STIM1: variants seen among roughly 807,000 people sequenced by gnomAD.
STIM1 encodes stromal interaction molecule 1.
A neutral mutation model predicts 74.7 loss-of-function variants in STIM1; 25 were observed. The observed-to-expected ratio is 0.33, with a 90% CI of 0.24 to 0.47. The LOEUF is 0.47. Ranked by LOEUF, STIM1 falls within the 20% of genes least tolerant of loss-of-function variation. STIM1 has a pLI of 1.00. For missense variants in STIM1, 728 were observed against 920.8 expected (o/e 0.79, Z 2.71); for synonymous variants, 328 against 348.8 (o/e 0.94, Z 0.66).
intron 1 of STIM1, among the ~76,000 whole-genome samples, chr11:3,919,236 G>A (rs146118760): frequency 1.1e-4 from 16 of 152,072 alleles, no homozygotes; most frequent in African/African-American, 2.2e-4. Context: ...ATGGAGTTTC[G>A]CTCTTACTGC....
In STIM1 at chr11:4,033,952, C is replaced by A. The variant is rs1026682352; in HGVS notation, c.385+9965C>A. ...TTCACCATAAAATATAATGTTGGGCCAGATGCGGTGGCTTATGCCTGTAAT... is the reference window on the plus strand; with the variant it reads ...TTCACCATAAAATATAATGTTGGGCAAGATGCGGTGGCTTATGCCTGTAAT... On this transcript the variant is annotated intron_variant, in intron 3 of 12. Transcript: ENST00000526596. Among the ~76,000 whole-genome samples the A allele has an allele frequency of 8.6e-5, 13 of 151,942 alleles. No homozygotes were observed. In the South Asian group the frequency reaches 2.7e-3, roughly 32 times the overall value.
At chr11:3,904,929 A>G (rs1463769478) in intron 1 of STIM1, among the ~76,000 whole-genome samples, 1 of 152,102 alleles carries the variant, frequency 6.6e-6, no homozygotes, top group African/African-American at 2.4e-5. Context: ...AATAGTAGAG[A>G]CTGTAGAAGT....
chr11:4,073,911 A>G (rs963004628), intron 6 of STIM1, among the ~76,000 whole-genome samples: 55 of 48,540 alleles, frequency 1.1e-3, no homozygotes, highest in Non-Finnish European at 3.9e-3. Context: ...CTCCTAGCTC[A>G]ATAGTTCCTC....
At chr11:3,956,851 A>AAG (rs2093220700) in intron 1 of STIM1, among the ~76,000 whole-genome samples, 2 of 146,888 alleles carry the variant, frequency 1.4e-5, no homozygotes, top group African/African-American at 5.2e-5. Flanking sequence ...AAAAAAAAAA[A>AAG]GTCAGAGAGG....
chr11:4,059,557 G>A (rs999306577), intron 5 of STIM1, among the ~76,000 whole-genome samples, 161 bp downstream of exon 5: 1 of 152,200 alleles, frequency 6.6e-6, no homozygotes, highest in Admixed American at 6.5e-5. Flanking sequence ...TTACATTTTA[G>A]TCCAGACACG....
intron 2 of STIM1, among the ~76,000 whole-genome samples, chr11:4,006,494 A>T (rs1267139808): frequency 6.6e-6 from 1 of 152,118 alleles, no homozygotes; most frequent in Non-Finnish European, 1.5e-5. Flanking sequence ...GGCTCCCTGC[A>T]ACTTCTGTTT....
chr11:4,015,274 T>G (rs1021369062), intron 2 of STIM1, among the ~76,000 whole-genome samples: 1 of 152,242 alleles, frequency 6.6e-6, no homozygotes, highest in Admixed American at 6.5e-5. Flanking sequence ...CATTTGCTTG[T>G]CTGTAAAGGA....
intron 3 of STIM1, among the ~76,000 whole-genome samples, chr11:4,033,337 G>A (rs2094068484): frequency 6.6e-6 from 1 of 152,150 alleles, no homozygotes; most frequent in Non-Finnish European, 1.5e-5. Context: ...ACTTGGCGAT[G>A]CGGGCTCTTT....
At chr11:4,031,107 G>A (rs922269305) in intron 3 of STIM1, among the ~76,000 whole-genome samples, 1 of 152,106 alleles carries the variant, frequency 6.6e-6, no homozygotes, top group Non-Finnish European at 1.5e-5. Context: ...AGATTAGTTT[G>A]CATTTGCTAC....
At chr11:3,970,957 T>C (rs987265826) in intron 2 of STIM1, among the ~76,000 whole-genome samples, 1 of 152,190 alleles carries the variant, frequency 6.6e-6, no homozygotes, top group African/African-American at 2.4e-5. Context: ...TTACAAATAA[T>C]GGAATGTGAA....
At position 4,092,185 on chromosome 11, in the gene STIM1, T is replaced by G; in HGVS notation, c.*387T>G. On this transcript the variant is annotated 3_prime_UTR_variant, in exon 13 of 13. Transcript: ENST00000526596. ...CTTTCGGGCTCCTCCCTCCCACCACTCCCCAACTTCCCCTAGCAGTTGCAG... is the reference window on the plus strand; with the variant it reads ...CTTTCGGGCTCCTCCCTCCCACCACGCCCCAACTTCCCCTAGCAGTTGCAG... 1 of 322,960 alleles carries G rather than the reference T, an allele frequency of 3.1e-6. No individual in the cohort carries two copies. The allele number at this position is 322,960 out of a possible 1,614,324, so 20.0% of individuals were successfully genotyped here.
chr11:3,946,180 A>G (rs1011663726), intron 1 of STIM1, among the ~76,000 whole-genome samples: 1 of 152,186 alleles, frequency 6.6e-6, no homozygotes, highest in Non-Finnish European at 1.5e-5. Context: ...TATACATTTG[A>G]ATGCTGAATT....
At chr11:3,979,693 C>T (rs1253581379) in intron 2 of STIM1, among the ~76,000 whole-genome samples, 2 of 152,142 alleles carry the variant, frequency 1.3e-5, no homozygotes, top group South Asian at 2.1e-4. Context: ...CTCACCTCAG[C>T]CTCCCAAGTT....
intron 1 of STIM1, among the ~76,000 whole-genome samples, chr11:3,909,128 A>T (rs1293641736): frequency 2.0e-5 from 3 of 152,148 alleles, no homozygotes; most frequent in African/African-American, 7.2e-5. Context: ...AGTGCAAATC[A>T]TTCCCAAGGT....
chr11:3,941,673 T>TATAGAGAGAGAGAGAGAGAGAGAGAG (rs141623520), intron 1 of STIM1, among the ~76,000 whole-genome samples: 1 of 90,730 alleles, frequency 1.1e-5, no homozygotes, highest in African/African-American at 3.7e-5. Context: ...TATATATATA[T>TATAGAGAGAGAGAGAGAGAGAGAGAG]AGAGAGAGAG....
chr11:4,016,399 T>A (rs2093897248), intron 2 of STIM1, among the ~76,000 whole-genome samples: 1 of 152,220 alleles, frequency 6.6e-6, no homozygotes, highest in South Asian at 2.1e-4. Flanking sequence ...CAAATGTTGC[T>A]GCCTGATCCT....
At chr11:3,950,219 C>A (rs958122280) in intron 1 of STIM1, among the ~76,000 whole-genome samples, 1 of 151,458 alleles carries the variant, frequency 6.6e-6, no homozygotes, top group Non-Finnish European at 1.5e-5. Context: ...CTGCAACCTC[C>A]ACCTCCTGGG....
intron 1 of STIM1, among the ~76,000 whole-genome samples, chr11:3,939,098 A>T (rs530857393): frequency 6.6e-5 from 10 of 152,232 alleles, no homozygotes; most frequent in Non-Finnish European, 1.3e-4. Context: ...AAATATTTAG[A>T]CAAGAATTTT....
intron 2 of STIM1, among the ~76,000 whole-genome samples, chr11:4,005,777 T>C (rs1008417285): frequency 3.3e-5 from 5 of 152,156 alleles, no homozygotes; most frequent in East Asian, 3.9e-4. Flanking sequence ...GTAGATAGAC[T>C]GACAGAAAAG....
Sources: gnomAD v4.1 joint callset for allele counts (sites outside exome capture counted in the v4.1 genomes callset) on GRCh38, gnomAD v4.1.1 for gene constraint, MANE v1.5 for transcripts, NCBI Gene and HGNC (gene_info 2026-07-23, HGNC 2026-07-21) for gene names.